RBFOX3: variants seen among roughly 807,000 people sequenced by gnomAD.
RBFOX3 encodes the protein RNA binding protein fox-1 homolog 3.
A neutral mutation model predicts 48.7 loss-of-function variants in RBFOX3; 17 were observed. The observed-to-expected ratio is 0.35, with a 90% confidence interval of 0.24 to 0.52. The LOEUF (loss-of-function observed/expected upper bound fraction) is 0.52, where lower values mean the gene tolerates loss of function less well. Among genes scored for constraint, RBFOX3 ranks in the 20% least tolerant of loss-of-function variants. RBFOX3 has a pLI of 0.94. For missense variants in RBFOX3, 382 were observed against 497.5 expected (o/e 0.77, Z 2.21); for synonymous variants, 212 against 209.5 (o/e 1.01, Z -0.10).
At chr17:79,370,085 T>C (rs570868270) in intron 2 of RBFOX3, among the ~76,000 whole-genome samples, 66 of 152,332 alleles carry the variant, frequency 4.3e-4, no homozygotes, top group African/African-American at 1.5e-3. Flanking sequence ...CCCTTCCTGA[T>C]GCTCCCTGCT....
chr17:79,280,162 C>CACAT (rs74391772), intron 3 of RBFOX3, among the ~76,000 whole-genome samples: 1 of 122,360 alleles, frequency 8.2e-6, no homozygotes, highest in Non-Finnish European at 1.8e-5. Context: ...CACACACACA[C>CACAT]GCACACACCA....
intron 2 of RBFOX3, among the ~76,000 whole-genome samples, chr17:79,313,790 G>A (rs993102830): frequency 5.3e-5 from 8 of 152,182 alleles, no homozygotes; most frequent in Non-Finnish European, 1.2e-4. Context: ...GTGGGGGGCC[G>A]CTTGCTCCCA....
chr17:79,353,027 C>T (rs546004759), intron 2 of RBFOX3, among the ~76,000 whole-genome samples: 3 of 152,352 alleles, frequency 2.0e-5, no homozygotes, highest in African/African-American at 7.2e-5. Flanking sequence ...GAGGATCACA[C>T]AGGGACTGCC....
intron 3 of RBFOX3, among the ~76,000 whole-genome samples, chr17:79,264,975 G>A (rs1024584036): frequency 6.6e-6 from 1 of 151,996 alleles, no homozygotes; most frequent in African/African-American, 2.4e-5. Context: ...AGGGGGGGGG[G>A]GCGCAGATTT....
chr17:79,108,435 G>A (rs894876672), intron 5 of RBFOX3, among the ~76,000 whole-genome samples: 1 of 152,262 alleles, frequency 6.6e-6, no homozygotes, highest in Non-Finnish European at 1.5e-5. Flanking sequence ...CCTGGCTGCT[G>A]AAGCCACTTT....
intron 2 of RBFOX3, among the ~76,000 whole-genome samples, chr17:79,349,662 C>T (rs532962581): frequency 3.9e-5 from 6 of 152,250 alleles, no homozygotes; most frequent in South Asian, 2.1e-4. Context: ...CTGAAGATGA[C>T]GTCCCTGCTT....
Position 79,144,534 on chromosome 17 carries a change from T to C in RBFOX3, c.-33-28786A>G, listed in dbSNP as rs145712288. On this transcript the variant is annotated intron_variant, in intron 4 of 14. Coordinates refer to ENST00000693108, the MANE Select transcript of RBFOX3 (RefSeq NM_001350451.2). Reference sequence around the variant, plus strand: ...TCAAGCATGCTCTGCGCCCCACTGCTGGGGCCTGGGTGAGAGGAGTTGGTG... The same window carrying C: ...TCAAGCATGCTCTGCGCCCCACTGCCGGGGCCTGGGTGAGAGGAGTTGGTG... Among the ~76,000 whole-genome samples, 480 of 152,252 alleles carry C rather than the reference T, an allele frequency of 3.2e-3. 3 individuals are homozygous for C. The highest frequency in any genetic ancestry group is 0.011 in the African/African-American group (458 of 41,558).
In RBFOX3 at chr17:79,267,216, G is replaced by A. The variant is rs963574890; in HGVS notation, c.-73-31411C>T. ...CAGATGCAGACCTTGCTGGCTCTGG[G>A]CCCTGTGCCATCTCTCAGCCTCGGT... On this transcript the variant is annotated intron_variant, in intron 3 of 14. Transcript: ENST00000693108. Among the ~76,000 whole-genome samples, 7 of 152,130 alleles carry A rather than the reference G, an allele frequency of 4.6e-5. No homozygotes were observed. The East Asian group carries it at 1.4e-3, about 29-fold the overall frequency.
At chr17:79,289,547 T>A (rs2072795543) in intron 3 of RBFOX3, among the ~76,000 whole-genome samples, 1 of 152,236 alleles carries the variant, frequency 6.6e-6, no homozygotes, top group Non-Finnish European at 1.5e-5. Context: ...CCCTGACTTC[T>A]TCCTTTTGTG....
intron 2 of RBFOX3, among the ~76,000 whole-genome samples, chr17:79,397,769 C>T (rs1362369246): frequency 2.0e-5 from 3 of 152,116 alleles, no homozygotes; most frequent in Admixed American, 6.5e-5. Flanking sequence ...TCCAGGACGT[C>T]GGGGAACCCT....
At chr17:79,652,967 G>T in the RBFOX3 span, among the ~76,000 whole-genome samples, 1 of 152,048 alleles carries the variant, frequency 6.6e-6, no homozygotes, top group Non-Finnish European at 1.5e-5. Context: ...CCATATAATA[G>T]GATCAAAAGC....
At chr17:79,208,961 A>G (rs1335396611) in intron 4 of RBFOX3, among the ~76,000 whole-genome samples, 3 of 151,430 alleles carry the variant, frequency 2.0e-5, no homozygotes, top group Admixed American at 6.6e-5. Context: ...GACTACAGGC[A>G]CCCGCCACCA....
intron 2 of RBFOX3, among the ~76,000 whole-genome samples, chr17:79,352,287 G>T (rs2084095751): frequency 6.6e-6 from 1 of 152,062 alleles, no homozygotes; most frequent in Non-Finnish European, 1.5e-5. Flanking sequence ...CATGATATCT[G>T]GTTGTTTAAA....
At chr17:79,653,682 A>G in the RBFOX3 span, among the ~76,000 whole-genome samples, 1 of 152,182 alleles carries the variant, frequency 6.6e-6, no homozygotes, top group South Asian at 2.1e-4. Context: ...AATAGGCAGA[A>G]GTAGGAAGGG....
chr17:79,447,942 G>A (rs1555739235), intron 2 of RBFOX3, among the ~76,000 whole-genome samples: 1 of 152,186 alleles, frequency 6.6e-6, no homozygotes, highest in East Asian at 1.9e-4. Context: ...TAGTGAGTGA[G>A]TTTACACAAG....
At chr17:79,439,980 T>G (rs1447042273) in intron 2 of RBFOX3, among the ~76,000 whole-genome samples, 1 of 152,156 alleles carries the variant, frequency 6.6e-6, no homozygotes, top group Non-Finnish European at 1.5e-5. Context: ...GACGCAGGAA[T>G]GGCATCAAGC....
chr17:79,460,453 T>G (rs536187833), intron 2 of RBFOX3, among the ~76,000 whole-genome samples: 10 of 152,276 alleles, frequency 6.6e-5, no homozygotes, highest in African/African-American at 2.2e-4. Flanking sequence ...TCTCCCTCCC[T>G]GCAGGCAGAG....
chr17:79,485,566 C>A (rs35489654), intron 1 of RBFOX3, among the ~76,000 whole-genome samples: 1 of 152,012 alleles, frequency 6.6e-6, no homozygotes, highest in African/African-American at 2.4e-5. Flanking sequence ...CACATCCCCC[C>A]AGAGGCTGAG....
intron 2 of RBFOX3, among the ~76,000 whole-genome samples, chr17:79,435,447 G>A (rs529717510): frequency 6.9e-4 from 105 of 152,326 alleles, no homozygotes; most frequent in African/African-American, 1.7e-3. Context: ...AGGATCTGCC[G>A]CTGTGTGGCA....
Sources: allele counts gnomAD v4.1 joint callset (sites outside exome capture counted in the v4.1 genomes callset), GRCh38; gene constraint gnomAD v4.1.1; transcripts MANE v1.5; gene names NCBI Gene and HGNC (gene_info 2026-07-23, HGNC 2026-07-21).